GRIP1: variants seen among roughly 807,000 people sequenced by gnomAD.
GRIP1 encodes glutamate receptor-interacting protein 1.
GRIP1 carries 45 observed loss-of-function variants against 129.9 expected under a neutral mutation model. The observed-to-expected ratio is 0.35, with a 90% CI of 0.27 to 0.44. The LOEUF (loss-of-function observed/expected upper bound fraction) is 0.44, where lower values mean the gene tolerates loss of function less well. Among genes scored for constraint, GRIP1 ranks in the 20% least tolerant of loss-of-function variants. The pLI, the probability that GRIP1 is intolerant of heterozygous loss-of-function variation, is 1.00. For synonymous variants in GRIP1, 530 were observed against 520.8 expected (o/e 1.02, Z -0.24); for missense variants, 1,196 against 1,396.8 (o/e 0.86, Z 2.29).
chr12:66,683,614 T>C (rs920610725), upstream of GRIP1, among the ~76,000 whole-genome samples: 3 of 152,194 alleles, frequency 2.0e-5, no homozygotes, highest in Non-Finnish European at 2.9e-5. Context: ...GCTCAGGGCC[T>C]CTGGTGTGTT....
At chr12:66,814,044 G>T (rs1031858237) in intron 1 of GRIP1, among the ~76,000 whole-genome samples, 2 of 152,028 alleles carry the variant, frequency 1.3e-5, no homozygotes, top group African/African-American at 4.8e-5. Flanking sequence ...GGAGATACAG[G>T]TTTAAGGGTT....
intron 2 of GRIP1, among the ~76,000 whole-genome samples, chr12:66,550,878 AAG>A (rs2062102681): frequency 6.6e-6 from 1 of 152,194 alleles, no homozygotes; most frequent in South Asian, 2.1e-4. Context: ...ATTTAAATGT[AAG>A]AGTTGATAAG....
At chr12:66,855,661 A>G (rs1464778542) in intron 1 of GRIP1, among the ~76,000 whole-genome samples, 2 of 151,874 alleles carry the variant, frequency 1.3e-5, no homozygotes, top group African/African-American at 4.8e-5. Context: ...ACTTTCTAAG[A>G]TAGCAAAAAA....
intron 1 of GRIP1, among the ~76,000 whole-genome samples, chr12:66,776,331 T>C (rs530400328): frequency 6.6e-6 from 1 of 152,336 alleles, no homozygotes; most frequent in African/African-American, 2.4e-5. Context: ...AGAGAACAAA[T>C]TGACTATTTC....
intron 1 of GRIP1, among the ~76,000 whole-genome samples, chr12:66,831,079 C>T (rs1303710815): frequency 1.3e-5 from 2 of 152,046 alleles, no homozygotes; most frequent in African/African-American, 2.4e-5. Flanking sequence ...GTCTCGAACT[C>T]TTGGGCTAAA....
chr12:66,744,732 A>G (rs1302256003), intron 1 of GRIP1, among the ~76,000 whole-genome samples: 1 of 152,134 alleles, frequency 6.6e-6, no homozygotes, highest in African/African-American at 2.4e-5. Flanking sequence ...TTCTCTGTAT[A>G]CAACCCAGTG....
intron 7 of GRIP1, among the ~76,000 whole-genome samples, chr12:66,477,162 T>A (rs1274589902): frequency 6.6e-6 from 1 of 152,176 alleles, no homozygotes; most frequent in African/African-American, 2.4e-5. Context: ...CTTAAGCTGA[T>A]AAGCAACTTC....
At chr12:66,581,982 T>A (rs2063403718) in intron 2 of GRIP1, among the ~76,000 whole-genome samples, 1 of 152,342 alleles carries the variant, frequency 6.6e-6, no homozygotes, top group South Asian at 2.1e-4. Context: ...GTATCCTTGA[T>A]GAACATTGAT....
Position 66,394,314 on chromosome 12 carries a change from C to T in GRIP1, c.2023G>A (p.Glu675Lys). Residue 675 changes from glutamate (E) to lysine (K), a missense_variant, in exon 17 of 25, where the codon GAG becomes AAG. This residue lies in a region of GRIP1 where 508 missense variants were observed against 587.0 expected (regional missense o/e 0.87). Transcript: ENST00000359742. ...AGGGGCCCCCCGTAGCGTTTAAGCT[C>T]CACGGTGTAAATAATTGCTCCGGAA... ...ESSGAIIYTV[E>K]LKRYGGPLGI... is the part of the protein sequence containing the mutation. 2 of 1,613,894 alleles carry T rather than the reference C, an allele frequency of 1.2e-6. No individual in the cohort carries two copies. Among genetic ancestry groups the T allele is most frequent in the South Asian group, 2.2e-5 (2 of 91,078 alleles).
At chr12:66,580,409 A>G (rs2063328360) in intron 2 of GRIP1, among the ~76,000 whole-genome samples, 1 of 151,746 alleles carries the variant, frequency 6.6e-6, no homozygotes, top group Non-Finnish European at 1.5e-5. Flanking sequence ...ACATAACAAT[A>G]TTAACTTTAA....
intron 2 of GRIP1, among the ~76,000 whole-genome samples, chr12:66,578,700 G>A (rs1015228976): frequency 6.6e-6 from 1 of 152,216 alleles, no homozygotes; most frequent in African/African-American, 2.4e-5. Context: ...CAGCGAGGCT[G>A]GGGGAGGGGC....
At chr12:66,883,588 A>G (rs1404754086) in intron 1 of GRIP1, among the ~76,000 whole-genome samples, 2 of 151,928 alleles carry the variant, frequency 1.3e-5, no homozygotes, top group East Asian at 1.9e-4. Flanking sequence ...CCTAAAAAGG[A>G]CCCCCAGGTT....
chr12:66,899,820 A>C (rs1189356097), intron 1 of GRIP1, among the ~76,000 whole-genome samples: 1 of 152,182 alleles, frequency 6.6e-6, no homozygotes, highest in Non-Finnish European at 1.5e-5. Flanking sequence ...GCCTCTTTGA[A>C]AATCTCCATA....
In GRIP1 at chr12:66,655,566, T is replaced by C. The variant is rs1411963522; in HGVS notation, c.55+23284A>G. Among the ~76,000 whole-genome samples, 3 of 151,974 alleles carry C rather than the reference T, an allele frequency of 2.0e-5. No homozygotes were observed. The East Asian group carries it at 5.8e-4, about 29-fold the overall frequency. Reference sequence around the variant, plus strand: ...GTTTGGACAAATGTATAATGACACGTATCCACCATACACTAATATTTTTTT... The same window carrying C: ...GTTTGGACAAATGTATAATGACACGCATCCACCATACACTAATATTTTTTT... On this transcript the variant is annotated intron_variant, in intron 1 of 24. Coordinates refer to ENST00000359742, the MANE Select transcript of GRIP1 (RefSeq NM_001366722.1).
chr12:66,603,216 A>T (rs2064361047), intron 1 of GRIP1, among the ~76,000 whole-genome samples: 1 of 151,834 alleles, frequency 6.6e-6, no homozygotes, highest in Non-Finnish European at 1.5e-5. Context: ...GCACAATTTC[A>T]TTTTAAGAAC....
intron 1 of GRIP1, among the ~76,000 whole-genome samples, chr12:67,017,045 T>C (rs2042798787): frequency 6.6e-6 from 1 of 152,336 alleles, no homozygotes; most frequent in Middle Eastern, 3.4e-3. Context: ...GCTTACTCAA[T>C]TGCACTATGC....
At chr12:66,550,202 C>A (rs558103652) in intron 2 of GRIP1, among the ~76,000 whole-genome samples, 2 of 152,204 alleles carry the variant, frequency 1.3e-5, no homozygotes, top group East Asian at 1.9e-4. Flanking sequence ...TTAGTTTTCA[C>A]GGGTCTTAGT....
At chr12:66,972,696 C>A (rs185171809) in intron 1 of GRIP1, among the ~76,000 whole-genome samples, 142 of 152,280 alleles carry the variant, frequency 9.3e-4, no homozygotes, top group Non-Finnish European at 1.6e-3. Flanking sequence ...TTTTCTTTTT[C>A]TAGCTCATCA....
chr12:66,720,606 G>C (rs1048088181), intron 1 of GRIP1, among the ~76,000 whole-genome samples: 16 of 152,058 alleles, frequency 1.1e-4, no homozygotes, highest in African/African-American at 3.4e-4. Flanking sequence ...ATCTTTCATT[G>C]TCATTTCAAC....
Sources: gnomAD v4.1 joint callset for allele counts (sites outside exome capture counted in the v4.1 genomes callset) on GRCh38, gnomAD v4.1.1 for gene constraint, gnomAD v4.1.1 regional missense constraint, MANE v1.5 for transcripts, NCBI Gene and HGNC (gene_info 2026-07-23, HGNC 2026-07-21) for gene names.